TSEN15: variants seen among roughly 807,000 people sequenced by gnomAD.
The protein encoded by TSEN15 is tRNA splicing endonuclease subunit 15, also known as tRNA-splicing endonuclease subunit Sen15.
A neutral mutation model predicts 20.5 loss-of-function variants in TSEN15; 10 were observed. The observed-to-expected ratio is 0.49, with a 90% CI of 0.30 to 0.83. The LOEUF is 0.83. Among genes scored for constraint, TSEN15 ranks in the 40% least tolerant of loss-of-function variants. TSEN15 has a pLI of 0.06. For missense variants in TSEN15, 180 were observed against 218.6 expected (o/e 0.82, Z 1.11); for synonymous variants, 72 against 80.1 (o/e 0.90, Z 0.54).
rs1048132456 is a variant in TSEN15, at chr1:184,051,748, C to G, written c.-8C>G. On this transcript the variant is annotated 5_prime_UTR_variant, in exon 1 of 5. Coordinates refer to ENST00000645668, the MANE Select transcript of TSEN15 (RefSeq NM_052965.4). ...GTGGTGCACCACGGGAGCGCCGCAC[C>G]GGCCGGCATGGAGGAGCGCGGCGAT... is the stretch of plus-strand genomic sequence containing the variant. 5 of 1,437,978 alleles carry G rather than the reference C, an allele frequency of 3.5e-6. No homozygotes were observed. The African/African-American group carries it at 5.9e-5, about 17-fold the overall frequency. 89.1% of individuals were successfully genotyped at this position (1,437,978 alleles called of 1,614,324 possible).
At chr1:184,079,011 G>T (rs1651114794), downstream of TSEN15, among the ~76,000 whole-genome samples, 1 of 152,174 alleles carries the variant, frequency 6.6e-6, no homozygotes, top group African/African-American at 2.4e-5. Flanking sequence ...TTATTCATCT[G>T]CCATATTTTA....
chr1:184,053,038 A>G (rs1557876349), intron 1 of TSEN15, among the ~76,000 whole-genome samples: 1 of 152,208 alleles, frequency 6.6e-6, no homozygotes, highest in African/African-American at 2.4e-5. Context: ...AGAAAGCACT[A>G]TATAAGTACT....
At chr1:184,095,402 G>C in intron 3 of TSEN15, 1 of 379,982 alleles carries the variant, frequency 2.6e-6, no homozygotes, top group Non-Finnish European at 4.7e-6. Flanking sequence ...TCCCACACTT[G>C]TGGTGAGGAC....
At chr1:184,069,393 T>C (rs746537005) in intron 3 of TSEN15, among the ~76,000 whole-genome samples, 1 of 152,142 alleles carries the variant, frequency 6.6e-6, no homozygotes, top group Non-Finnish European at 1.5e-5. Context: ...ATAAAGAATT[T>C]TATCGTTTAT....
chr1:184,074,029 C>T lies in TSEN15; in HGVS notation c.*1182C>T, dbSNP rs1026745507. 6.6e-5 allele frequency: 10 copies of T among 151,914 alleles called. No homozygotes were observed. The highest frequency in any genetic ancestry group is 3.9e-4 in the East Asian group (2 of 5,186). 9.4% of individuals were successfully genotyped at this position (151,914 alleles called of 1,614,324 possible). ...ATTACCTTAAGTAAAAATTGCAAGA[C>T]GGAAAAGTGTATAAGTGGGTGTAAT... is the stretch of plus-strand genomic sequence containing the variant. On this transcript the variant is annotated 3_prime_UTR_variant, in exon 5 of 5. Transcript: ENST00000645668.
chr1:184,086,397 T>C (rs1374396111), intron 3 of TSEN15, among the ~76,000 whole-genome samples: 1 of 152,184 alleles, frequency 6.6e-6, no homozygotes, highest in Non-Finnish European at 1.5e-5. Flanking sequence ...GTGGGGAAGA[T>C]ATAGGGTATG....
Position 184,072,210 on chromosome 1 carries a change from C to T in TSEN15, c.407C>T (p.Pro136Leu), listed in dbSNP as rs765202343. ...SRKLQGDPDL[P>L]MSFTLAIVES... ...AAGTTGCAAGGTGATCCAGATTTGCCGATGTCTTTTACTTTGGCCATAGTG... is the reference window on the plus strand; with the variant it reads ...AAGTTGCAAGGTGATCCAGATTTGCTGATGTCTTTTACTTTGGCCATAGTG... Residue 136 changes from proline to leucine, a missense_variant, in exon 4 of 5, where the codon CCG (proline) becomes CTG (leucine). Transcript: ENST00000645668. The T allele has an allele frequency of 9.9e-6, 16 of 1,613,224 alleles. No homozygotes were observed. The highest frequency in any genetic ancestry group is 2.2e-5 in the South Asian group (2 of 91,034).
chr1:184,051,919 C>T (rs1304863144), intron 1 of TSEN15, 29 bp downstream of exon 1: 1 of 1,499,980 alleles, frequency 6.7e-7, no homozygotes, highest in Non-Finnish European at 8.9e-7. Flanking sequence ...AGCAGGGCGC[C>T]GTCCAGGCCC....
At chr1:184,067,404 A>G (rs1324424504) in intron 3 of TSEN15, among the ~76,000 whole-genome samples, 1 of 152,160 alleles carries the variant, frequency 6.6e-6, no homozygotes. Context: ...TCCACTAGAA[A>G]GTAAGTTCCC....
intron 3 of TSEN15, among the ~76,000 whole-genome samples, chr1:184,090,906 C>A (rs1310029822): frequency 6.6e-6 from 1 of 152,146 alleles, no homozygotes; most frequent in Non-Finnish European, 1.5e-5. Context: ...GACCAATTTT[C>A]TGTAGTATAC....
At chr1:184,083,583 A>G (rs543104851) in intron 3 of TSEN15, among the ~76,000 whole-genome samples, 1 of 152,276 alleles carries the variant, frequency 6.6e-6, no homozygotes, top group East Asian at 1.9e-4. Context: ...ACTTCTGTTG[A>G]TGACCACAGA....
At chr1:184,095,653 CTCTCT>C in intron 3 of TSEN15, 1 of 396,760 alleles carries the variant, frequency 2.5e-6, no homozygotes, top group East Asian at 3.6e-5. Context: ...CTCTCTCTCT[CTCTCT>C]CTCTCTCTCT....
chr1:184,095,203 G>T, intron 3 of TSEN15: 1 of 397,530 alleles, frequency 2.5e-6, no homozygotes, highest in Non-Finnish European at 4.4e-6. Context: ...GTCTCCACCT[G>T]CCAGTTTCCT....
rs149454901 is a variant in TSEN15, at chr1:184,072,158, A to G, written c.355A>G (p.Ile119Val). 1 of 1,613,268 alleles carries G rather than the reference A, an allele frequency of 6.2e-7. No individual in the cohort carries two copies. Among genetic ancestry groups the G allele is most frequent in the Non-Finnish European group, 8.5e-7 (1 of 1,179,542 alleles). The stretch of plus-strand genomic sequence containing the variant: ...AGTATATTGTGACTTTATTTTCAGG[A>G]TAAGGGAGATCTTGAAGGCATCTCG... Reference protein sequence around the residue: ...PITASLSHNRIREILKASRKL... With the variant: ...PITASLSHNRVREILKASRKL... The change falls in exon 4 of 5, where the codon ATA (isoleucine) becomes GTA (valine). Residue 119 changes from isoleucine (I) to valine (V), a missense_variant and splice_region_variant. This residue lies in a region of TSEN15 where 76 missense variants were observed against 123.4 expected (regional missense o/e 0.62). Coordinates refer to ENST00000645668, the MANE Select transcript of TSEN15 (RefSeq NM_052965.4).
At position 184,096,640 on chromosome 1, in the gene TSEN15, G is replaced by A. The variant is rs564092283; in HGVS notation, c.*836G>A. 5 of 153,840 alleles carry A rather than the reference G, an allele frequency of 3.3e-5. No homozygotes were observed. In the East Asian group the frequency reaches 9.5e-4, roughly 29 times the overall value. The allele number at this position is 153,840 out of a possible 1,614,324, so 9.5% of individuals were successfully genotyped here. Reference sequence around the variant, plus strand: ...ACGCTGCTGATAAAGACATAGCCAAGACTGGACAATTTACAAAAGAAAGAG... The same window carrying A: ...ACGCTGCTGATAAAGACATAGCCAAAACTGGACAATTTACAAAAGAAAGAG... On this transcript the variant is annotated 3_prime_UTR_variant, in exon 4 of 4. Transcript: ENST00000643231.
chr1:184,065,254 G>C (rs1023065164), intron 3 of TSEN15, among the ~76,000 whole-genome samples: 1 of 152,010 alleles, frequency 6.6e-6, no homozygotes, highest in Non-Finnish European at 1.5e-5. Flanking sequence ...TGAGCAGATA[G>C]TACAGAGATT....
At chr1:184,062,166 TTC>T (rs1650480647) in intron 3 of TSEN15, among the ~76,000 whole-genome samples, 1 of 152,144 alleles carries the variant, frequency 6.6e-6, no homozygotes, top group Admixed American at 6.5e-5. Flanking sequence ...TGTTTCTTGT[TTC>T]TCTCATCTAA....
In TSEN15 at chr1:184,095,806, G is replaced by A. The variant is rs533085579; in HGVS notation, c.*2G>A. 6.8e-4 allele frequency: 271 copies of A among 398,452 alleles called. 1 individual carries two copies. In the East Asian group the frequency reaches 9.5e-3, roughly 14 times the overall value. 24.7% of individuals were successfully genotyped at this position (398,452 alleles called of 1,614,324 possible). On this transcript the variant is annotated 3_prime_UTR_variant, in exon 4 of 4. Coordinates refer to the TSEN15 transcript ENST00000643231. ...CTGCACTTCGGTCTGGATTTCTAGT[G>A]TCCAGAACTGTGAGAAAATAAATTT...
At chr1:184,081,221 GTCA>G (rs1182594030) in intron 3 of TSEN15, among the ~76,000 whole-genome samples, 2 of 152,180 alleles carry the variant, frequency 1.3e-5, no homozygotes, top group African/African-American at 4.8e-5. Flanking sequence ...GGGCATATTA[GTCA>G]GGGTGGGCTG....
Sources: allele counts gnomAD v4.1 joint callset (sites outside exome capture counted in the v4.1 genomes callset), GRCh38; gene constraint gnomAD v4.1.1; regional missense constraint gnomAD v4.1.1; transcripts MANE v1.5; gene names NCBI Gene and HGNC (gene_info 2026-07-23, HGNC 2026-07-21).